The following FNIP2 variants were observed in gnomAD, a reference collection of about 807,000 sequenced individuals.
FNIP2 encodes the protein folliculin-interacting protein 2.
Under a neutral mutation model 108.7 loss-of-function variants are expected in FNIP2, and 32 were observed. The observed-to-expected ratio is 0.29, with a 90% confidence interval of 0.22 to 0.40. The LOEUF (loss-of-function observed/expected upper bound fraction) is 0.40, where lower values mean the gene tolerates loss of function less well. FNIP2 is among the 10% of genes least tolerant of loss of function. The pLI, the probability that FNIP2 is intolerant of heterozygous loss-of-function variation, is 1.00. For synonymous variants in FNIP2, 480 were observed against 496.7 expected, an observed-to-expected ratio of 0.97 and a Z score of 0.45; for missense variants, 1,202 against 1,381.6, an observed-to-expected ratio of 0.87 and a Z score of 2.06.
intron 7 of FNIP2, among the ~76,000 whole-genome samples, chr4:158,847,955 G>A (rs1779495629): frequency 6.6e-6 from 1 of 152,204 alleles, no homozygotes; most frequent in South Asian, 2.1e-4. Flanking sequence ...TTTGTCTTGT[G>A]GCTTGGGTGC....
At chr4:158,791,848 A>G (rs1776430192) in intron 1 of FNIP2, among the ~76,000 whole-genome samples, 1 of 152,148 alleles carries the variant, frequency 6.6e-6, no homozygotes, top group South Asian at 2.1e-4. Context: ...ACACATATAG[A>G]AGGCTTGAAA....
At chr4:158,858,006 A>G (rs1780085198) in intron 8 of FNIP2, among the ~76,000 whole-genome samples, 1 of 152,154 alleles carries the variant, frequency 6.6e-6, no homozygotes, top group Non-Finnish European at 1.5e-5. Context: ...TGGCATATGT[A>G]TGTTTAATAA....
At chr4:158,773,467 C>T (rs1418527681) in intron 1 of FNIP2, among the ~76,000 whole-genome samples, 1 of 152,206 alleles carries the variant, frequency 6.6e-6, no homozygotes, top group African/African-American at 2.4e-5. Context: ...TGATCCTCAG[C>T]TTTGTCATTT....
At chr4:158,836,811 CAAAAAAAAAA>C (rs34469888) in intron 7 of FNIP2, among the ~76,000 whole-genome samples, 7 of 39,580 alleles carry the variant, frequency 1.8e-4, no homozygotes, top group Admixed American at 1.2e-3. Flanking sequence ...GACTCCGTCT[CAAAAAAAAAA>C]AAAAAAAAAA....
At chr4:158,864,243 G>A (rs1306752954) in intron 12 of FNIP2, among the ~76,000 whole-genome samples, 2 of 152,022 alleles carry the variant, frequency 1.3e-5, no homozygotes, top group Non-Finnish European at 2.9e-5. Flanking sequence ...CAGGCTGGTC[G>A]CTGGTCTTGA....
intron 1 of FNIP2, among the ~76,000 whole-genome samples, chr4:158,784,834 G>C (rs9884355): frequency 0.36 from 54,731 of 151,906 alleles, 10,299 homozygotes; most frequent in Middle Eastern, 0.45. Context: ...CCAGGGGTTG[G>C]GGATCCCTGC....
At chr4:158,861,884 C>A in intron 12 of FNIP2, 108 bp downstream of exon 12, 1 of 1,316,858 alleles carries the variant, frequency 7.6e-7, no homozygotes. Flanking sequence ...CATAGGTTGT[C>A]TTTGGGCAGA....
chr4:158,899,338 G>C (rs886194502), intron 16 of FNIP2, among the ~76,000 whole-genome samples: 1 of 152,170 alleles, frequency 6.6e-6, no homozygotes, highest in African/African-American at 2.4e-5. Flanking sequence ...GCCAGGTTTT[G>C]CTTTCAGGAT....
intron 5 of FNIP2, 144 bp from the exon 6 acceptor site, chr4:158,833,384 A>T: frequency 1.8e-6 from 1 of 562,188 alleles, no homozygotes. Context: ...TCCCTTTGGT[A>T]GATGTGAGAC....
chr4:158,882,619 T>A (rs1027544287), intron 14 of FNIP2, among the ~76,000 whole-genome samples: 34 of 152,308 alleles, frequency 2.2e-4, no homozygotes, highest in Non-Finnish European at 2.1e-4. Context: ...TAGAAAGAAG[T>A]AGATATAGGA....
At chr4:158,871,646 C>G (rs1055502095) in intron 14 of FNIP2, 21 of 985,366 alleles carry the variant, frequency 2.1e-5, no homozygotes, top group Admixed American at 6.1e-5. Context: ...CGTGTGTGGC[C>G]AAACGTTCCT....
chr4:158,820,713 C>T (rs199683510), intron 1 of FNIP2, among the ~76,000 whole-genome samples: 1 of 150,222 alleles, frequency 6.7e-6, no homozygotes, highest in South Asian at 2.1e-4. Context: ...CCAGTGATAA[C>T]TGTCTTTTTG....
chr4:158,836,117 G>T (rs1228601329), intron 7 of FNIP2: 1 of 152,208 alleles, frequency 6.6e-6, no homozygotes, highest in African/African-American at 2.4e-5. Flanking sequence ...AATACATATG[G>T]TACAGGCAGC....
chr4:158,792,168 G>C (rs1417331790), intron 1 of FNIP2, among the ~76,000 whole-genome samples: 1 of 152,090 alleles, frequency 6.6e-6, no homozygotes, highest in Non-Finnish European at 1.5e-5. Flanking sequence ...TTCCTTATTA[G>C]TAAATTCACC....
chr4:158,871,457 G>C, intron 14 of FNIP2: 1 of 985,072 alleles, frequency 1.0e-6, no homozygotes, highest in Non-Finnish European at 1.2e-6. Context: ...CTTTGGCCTT[G>C]AGCATCTCCT....
intron 8 of FNIP2, among the ~76,000 whole-genome samples, chr4:158,856,152 T>C (rs186808161): frequency 2.0e-4 from 31 of 152,276 alleles, no homozygotes; most frequent in Admixed American, 7.8e-4. Flanking sequence ...ACCGAGGCAA[T>C]TGAAACCCTA....
At chr4:158,790,020 A>G (rs1295566219) in intron 1 of FNIP2, among the ~76,000 whole-genome samples, 1 of 152,082 alleles carries the variant, frequency 6.6e-6, no homozygotes, top group Non-Finnish European at 1.5e-5. Flanking sequence ...ACCTGACCTT[A>G]TGGGTCACGG....
intron 14 of FNIP2, among the ~76,000 whole-genome samples, chr4:158,883,078 T>TA (rs1428759910): frequency 1.3e-5 from 2 of 149,422 alleles, no homozygotes; most frequent in Non-Finnish European, 3.0e-5. Context: ...CCAAAAAAAA[T>TA]AAAATAAATA....
chr4:158,861,244 A>G (rs1463939588), intron 10 of FNIP2, 98 bp from the exon 11 acceptor site: 2 of 1,368,540 alleles, frequency 1.5e-6, no homozygotes, highest in Non-Finnish European at 2.0e-6. Context: ...TAAGGACTAC[A>G]TAGATTCAAG....
Sources: gnomAD v4.1 joint callset for allele counts (sites outside exome capture counted in the v4.1 genomes callset) on GRCh38, gnomAD v4.1.1 for gene constraint, MANE v1.5 for transcripts, NCBI Gene and HGNC (gene_info 2026-07-23, HGNC 2026-07-21) for gene names.